HECW1: variants seen among roughly 807,000 people sequenced by gnomAD.
HECW1 encodes E3 ubiquitin-protein ligase HECW1.
Under a neutral mutation model 182.3 loss-of-function variants are expected in HECW1, and 61 were observed. The ratio of observed to expected loss-of-function variants is 0.33; its 90% CI spans 0.27 to 0.41. HECW1 has a LOEUF of 0.41. Among genes scored for constraint, HECW1 ranks in the 10% least tolerant of loss-of-function variants. HECW1 has a pLI of 1.00. For missense variants in HECW1, 1,739 were observed against 2,108.9 expected, an observed-to-expected ratio of 0.82 and a Z score of 3.44; for synonymous variants, 859 against 832.6, an observed-to-expected ratio of 1.03 and a Z score of -0.55.
intron 24 of HECW1, among the ~76,000 whole-genome samples, chr7:43,516,830 G>C (rs920001049): frequency 2.6e-5 from 4 of 152,074 alleles, no homozygotes; most frequent in Non-Finnish European, 1.5e-5. Flanking sequence ...ATTGCTCCTG[G>C]GCAACAAACC....
chr7:43,541,425 T>C (rs2081359666), intron 25 of HECW1, among the ~76,000 whole-genome samples, 164 bp downstream of exon 25: 1 of 152,210 alleles, frequency 6.6e-6, no homozygotes, highest in African/African-American at 2.4e-5. Context: ...CTTACATTTT[T>C]TAGCACAATA....
At chr7:43,397,818 G>A (rs2075279019) in intron 7 of HECW1, among the ~76,000 whole-genome samples, 1 of 152,106 alleles carries the variant, frequency 6.6e-6, no homozygotes, top group African/African-American at 2.4e-5. Context: ...TATATGTGCA[G>A]GTCACAGGGC....
At chr7:43,232,581 A>T (rs1797981135) in intron 2 of HECW1, among the ~76,000 whole-genome samples, 1 of 152,206 alleles carries the variant, frequency 6.6e-6, no homozygotes, top group Non-Finnish European at 1.5e-5. Context: ...TCTGAAGTGT[A>T]GGCTGAAGGC....
intron 3 of HECW1, among the ~76,000 whole-genome samples, chr7:43,294,279 G>A (rs1286771682): frequency 1.3e-5 from 2 of 152,214 alleles, no homozygotes; most frequent in Non-Finnish European, 2.9e-5. Context: ...GGCTTTAAGA[G>A]CAACGTGTAC....
chr7:43,537,683 A>G (rs562945961), intron 24 of HECW1, among the ~76,000 whole-genome samples: 1 of 152,356 alleles, frequency 6.6e-6, no homozygotes, highest in South Asian at 2.1e-4. Flanking sequence ...ATCATAGTTC[A>G]TGGCTCTGGA....
intron 8 of HECW1, among the ~76,000 whole-genome samples, chr7:43,424,458 C>T (rs774814077): frequency 1.6e-4 from 25 of 152,026 alleles, no homozygotes; most frequent in Non-Finnish European, 2.6e-4. Flanking sequence ...CATCTCCACA[C>T]ACACAAAATT....
chr7:43,436,417 A>G (rs189303295), intron 8 of HECW1, among the ~76,000 whole-genome samples: 6 of 152,284 alleles, frequency 3.9e-5, no homozygotes, highest in Non-Finnish European at 4.4e-5. Flanking sequence ...TCTGAGCAAT[A>G]AAGCTTTTTA....
chr7:43,340,971 A>G (rs1201212781), intron 5 of HECW1, among the ~76,000 whole-genome samples: 1 of 151,794 alleles, frequency 6.6e-6, no homozygotes, highest in Non-Finnish European at 1.5e-5. Context: ...ATGGAATACT[A>G]TGCAGCCATA....
At chr7:43,467,665 C>T (rs1308679893) in intron 15 of HECW1, among the ~76,000 whole-genome samples, 1 of 151,922 alleles carries the variant, frequency 6.6e-6, no homozygotes, top group African/African-American at 2.4e-5. Context: ...TGGCTCTGAC[C>T]TAAGGAAGGG....
chr7:43,461,209 G>A (rs1186493406), intron 13 of HECW1, among the ~76,000 whole-genome samples: 2 of 152,212 alleles, frequency 1.3e-5, no homozygotes, highest in African/African-American at 4.8e-5. Context: ...GTCAGAGGGT[G>A]GCCGGGGCTG....
chr7:43,309,979 T>C (rs1387262189), intron 3 of HECW1, among the ~76,000 whole-genome samples: 1 of 152,156 alleles, frequency 6.6e-6, no homozygotes, highest in South Asian at 2.1e-4. Flanking sequence ...CAACAGCCCA[T>C]TTACAGAGGA....
chr7:43,248,246 C>T (rs1799637057), intron 3 of HECW1, among the ~76,000 whole-genome samples: 1 of 152,172 alleles, frequency 6.6e-6, no homozygotes, highest in South Asian at 2.1e-4. Context: ...GACAGCAACA[C>T]CCCTCTCCTG....
intron 21 of HECW1, among the ~76,000 whole-genome samples, chr7:43,504,803 T>C (rs1014714770): frequency 1.3e-5 from 2 of 152,156 alleles, no homozygotes; most frequent in African/African-American, 2.4e-5. Context: ...CACTGAGAAG[T>C]TGAAGCCATC....
At chr7:43,350,289 C>G (rs1037325818) in intron 5 of HECW1, among the ~76,000 whole-genome samples, 2 of 152,154 alleles carry the variant, frequency 1.3e-5, no homozygotes, top group Non-Finnish European at 2.9e-5. Context: ...TCTCACAGAC[C>G]TTAAGATTCT....
At chr7:43,289,481 G>A (rs1406837951) in intron 3 of HECW1, among the ~76,000 whole-genome samples, 1 of 152,168 alleles carries the variant, frequency 6.6e-6, no homozygotes, top group East Asian at 1.9e-4. Flanking sequence ...GACTCTTTAT[G>A]AGACCTCCCT....
At chr7:43,241,612 A>ATGTGTGTG (rs1437778475) in intron 2 of HECW1, 54 of 115,060 alleles carry the variant, frequency 4.7e-4, no homozygotes, top group South Asian at 2.9e-3. Context: ...TACTCTCCTA[A>ATGTGTGTG]TGTATGTGTG....
At chr7:43,224,744 G>C (rs1205646770) in intron 2 of HECW1, among the ~76,000 whole-genome samples, 1 of 152,230 alleles carries the variant, frequency 6.6e-6, no homozygotes, top group Non-Finnish European at 1.5e-5. Flanking sequence ...GAGCCCAGGA[G>C]GTTGAGGCTG....
At chr7:43,230,730 G>T (rs764006158) in intron 2 of HECW1, among the ~76,000 whole-genome samples, 1 of 152,048 alleles carries the variant, frequency 6.6e-6, no homozygotes, top group Non-Finnish European at 1.5e-5. Context: ...ATATGTATAC[G>T]TATATAAATT....
At chr7:43,415,286 G>A (rs2075953082) in intron 8 of HECW1, among the ~76,000 whole-genome samples, 1 of 145,866 alleles carries the variant, frequency 6.9e-6, no homozygotes, top group Admixed American at 6.9e-5. Flanking sequence ...CTTCACTTAT[G>A]AAGCTTAGTT....
Sources: allele counts gnomAD v4.1 joint callset (sites outside exome capture counted in the v4.1 genomes callset), GRCh38; gene constraint gnomAD v4.1.1; transcripts MANE v1.5; gene names NCBI Gene and HGNC (gene_info 2026-07-23, HGNC 2026-07-21).